Variants in KCNK10 observed in about 807,000 individuals in gnomAD.
KCNK10 encodes the protein potassium channel subfamily K member 10.
Under a neutral mutation model 47.7 loss-of-function variants are expected in KCNK10, and 25 were observed. That is an observed-to-expected ratio of 0.52 (90% CI 0.38 to 0.73). The LOEUF (loss-of-function observed/expected upper bound fraction) is 0.73. Among genes scored for constraint, KCNK10 ranks in the 30% least tolerant of loss-of-function variants. The pLI is 0.00. For missense variants in KCNK10, 563 were observed against 714.5 expected (o/e 0.79, Z 2.42); for synonymous variants, 303 against 285.6 (o/e 1.06, Z -0.61).
rs115400992 is a variant in KCNK10 at position 88,260,613 on chromosome 14, A to G, written c.402+2589T>C. Among the ~76,000 whole-genome samples the G allele has an allele frequency of 0.021, 3,145 of 152,250 alleles. 117 individuals are homozygous for G. Among genetic ancestry groups the G allele is most frequent in the African/African-American group, 0.072 (3,000 of 41,536 alleles). ...CCTTGCGCTGACTACCAGCTCTACCACTTTGGTGGTTGGAAAGTTACTCAC... is the reference window on the plus strand; with the variant it reads ...CCTTGCGCTGACTACCAGCTCTACCGCTTTGGTGGTTGGAAAGTTACTCAC... On this transcript the variant is annotated intron_variant, in intron 2 of 6. Transcript: ENST00000319231. This position sits in a 1 kb window ranked among gnomAD's most constrained non-coding sequence, Gnocchi z 4.5.
chr14:88,293,270 G>C (rs1326055345), intron 1 of KCNK10, among the ~76,000 whole-genome samples: 1 of 152,112 alleles, frequency 6.6e-6, no homozygotes, highest in Non-Finnish European at 1.5e-5. Context: ...TATATTTCCA[G>C]CTCTACCCTC....
At chr14:88,274,957 C>T (rs778104717) in intron 1 of KCNK10, among the ~76,000 whole-genome samples, 8 of 152,118 alleles carry the variant, frequency 5.3e-5, no homozygotes, top group Non-Finnish European at 1.0e-4. Flanking sequence ...AGCCTCCTCC[C>T]CTCTGATCCA....
intron 1 of KCNK10, among the ~76,000 whole-genome samples, chr14:88,265,152 G>C (rs1887219059): frequency 6.6e-6 from 1 of 152,102 alleles, no homozygotes; most frequent in African/African-American, 2.4e-5. Flanking sequence ...TCCTGCCTTG[G>C]GGGCAGGTAG....
intron 1 of KCNK10, among the ~76,000 whole-genome samples, chr14:88,316,868 A>G (rs1443115948): frequency 6.6e-6 from 1 of 152,194 alleles, no homozygotes; most frequent in African/African-American, 2.4e-5. Context: ...ACTTCACACC[A>G]TATCTCAGTT....
intron 1 of KCNK10, among the ~76,000 whole-genome samples, chr14:88,274,630 T>C (rs1401744034): frequency 1.3e-5 from 2 of 151,884 alleles, no homozygotes; most frequent in Admixed American, 6.6e-5. Flanking sequence ...AGAAATCTGT[T>C]CGCTGTGTCC....
chr14:88,297,842 T>G (rs746070064), intron 1 of KCNK10, among the ~76,000 whole-genome samples: 31 of 152,204 alleles, frequency 2.0e-4, no homozygotes, highest in Non-Finnish European at 3.5e-4. Flanking sequence ...GAAAGAACTA[T>G]GCATGAAAAT....
At chr14:88,255,236 G>A (rs1326178678) in intron 2 of KCNK10, among the ~76,000 whole-genome samples, 2 of 152,164 alleles carry the variant, frequency 1.3e-5, no homozygotes, top group Non-Finnish European at 2.9e-5. Flanking sequence ...ACTCACCATT[G>A]ATGCAAGTAA....
intron 1 of KCNK10, among the ~76,000 whole-genome samples, chr14:88,317,389 T>C (rs1384920715): frequency 6.6e-6 from 1 of 152,200 alleles, no homozygotes; most frequent in Non-Finnish European, 1.5e-5. Flanking sequence ...TCTAAGGGTC[T>C]TCACCTGAGC....
chr14:88,259,802 G>A (rs555837436), intron 2 of KCNK10, among the ~76,000 whole-genome samples: 2 of 152,098 alleles, frequency 1.3e-5, no homozygotes, highest in African/African-American at 4.8e-5. Context: ...TGTCTGATAT[G>A]GTTTGGATTT....
At chr14:88,256,039 C>G (rs192288578) in intron 2 of KCNK10, among the ~76,000 whole-genome samples, 3 of 152,304 alleles carry the variant, frequency 2.0e-5, no homozygotes, top group Admixed American at 1.3e-4. Context: ...CATCTGCACA[C>G]TCCCTCACAT....
chr14:88,215,718 G>A (rs1885596886), intron 4 of KCNK10, among the ~76,000 whole-genome samples: 1 of 152,130 alleles, frequency 6.6e-6, no homozygotes, highest in Non-Finnish European at 1.5e-5. Context: ...GAAGTTACCT[G>A]TGATCAAAGC....
intron 1 of KCNK10, 120 bp from the exon 2 acceptor site, chr14:88,263,671 C>T (rs765397332): frequency 2.9e-5 from 26 of 881,816 alleles, no homozygotes; most frequent in Middle Eastern, 3.5e-4. Flanking sequence ...GAGGATGAAA[C>T]GCTGGTTCAC....
chr14:88,237,768 G>A (rs1886338444), intron 3 of KCNK10, among the ~76,000 whole-genome samples: 1 of 152,170 alleles, frequency 6.6e-6, no homozygotes, highest in African/African-American at 2.4e-5. Flanking sequence ...GTAAACAGAT[G>A]TGCTGTCATC....
At position 88,293,764 on chromosome 14, in the gene KCNK10, C is replaced by T. The variant is rs191982372; in HGVS notation, c.52+28983G>A. 4.6e-5 allele frequency among the ~76,000 whole-genome samples: 7 copies of T among 152,124 alleles called. No individual in the cohort carries two copies. In the East Asian group the frequency reaches 1.4e-3, roughly 30 times the overall value. On this transcript the variant is annotated intron_variant, in intron 1 of 6. Coordinates refer to ENST00000319231, the MANE Select transcript of KCNK10 (RefSeq NM_138317.3). ...AATCATAGCTCACCGTAACTTTGAA[C>T]TCCTGGGCTGAAGCGATCCTCCTAC...
chr14:88,310,763 A>G (rs1427060042), intron 1 of KCNK10, among the ~76,000 whole-genome samples: 3 of 152,164 alleles, frequency 2.0e-5, no homozygotes, highest in African/African-American at 7.2e-5. Context: ...TCAAAGGAGA[A>G]ATACCCCAAT....
chr14:88,200,026 CTTCT>C (rs1357633318), intron 4 of KCNK10, among the ~76,000 whole-genome samples: 8 of 142,346 alleles, frequency 5.6e-5, no homozygotes, highest in East Asian at 4.1e-4. Context: ...CTCTTCTTTC[CTTCT>C]TTCTTTCTCT....
At chr14:88,198,886 C>CTTTATTTTATTTTATTTTAT (rs1885008006) in intron 4 of KCNK10, among the ~76,000 whole-genome samples, 1 of 69,308 alleles carries the variant, frequency 1.4e-5, no homozygotes, top group South Asian at 4.9e-4. Flanking sequence ...TTATCATCTC[C>CTTTATTTTATTTTATTTTAT]TTTGTCTTAT....
chr14:88,315,325 C>T (rs1474300210), intron 1 of KCNK10, among the ~76,000 whole-genome samples: 1 of 152,218 alleles, frequency 6.6e-6, no homozygotes, highest in Non-Finnish European at 1.5e-5. Context: ...GGTAACAACA[C>T]TCCCCAGTTC....
rs1207739024 is a variant in KCNK10, at chr14:88,181,022, C to T, written c.*4513G>A. The T allele has an allele frequency of 7.6e-6, 3 of 393,710 alleles. No individual in the cohort carries two copies. The highest frequency in any genetic ancestry group is 1.3e-5 in the Non-Finnish European group (3 of 223,448). 24.4% of individuals were successfully genotyped at this position (393,710 alleles called of 1,614,324 possible). On this transcript the variant is annotated 3_prime_UTR_variant, in exon 7 of 7. Transcript: ENST00000319231. The stretch of plus-strand genomic sequence containing the variant: ...CATCCTAACAGTGAGAAAGAATAAC[C>T]CCATATTAGCAAAATGCAACAAGCA...
Sources: gnomAD v4.1 joint callset for allele counts (sites outside exome capture counted in the v4.1 genomes callset) on GRCh38, gnomAD v4.1.1 for gene constraint, Gnocchi (gnomAD v3.1) non-coding constraint, MANE v1.5 for transcripts, NCBI Gene and HGNC (gene_info 2026-07-23, HGNC 2026-07-21) for gene names.